Variants in NYAP2 observed in about 807,000 individuals in gnomAD.
NYAP2 encodes the protein neuronal tyrosine-phosphorylated phosphoinositide-3-kinase adapter 2.
In NYAP2, 23 loss-of-function variants were observed where a neutral mutation model predicts 50.4. The observed-to-expected ratio is 0.46, with a 90% CI of 0.33 to 0.65. NYAP2 has a LOEUF of 0.65. Among genes scored for constraint, NYAP2 ranks in the 30% least tolerant of loss-of-function variants. The pLI is 0.02. For synonymous variants in NYAP2, 394 were observed against 365.2 expected, an observed-to-expected ratio of 1.08 and a Z score of -0.90; for missense variants, 885 against 861.0, an observed-to-expected ratio of 1.03 and a Z score of -0.35.
chr2:225,521,784 C>T (rs531970580), intron 4 of NYAP2, among the ~76,000 whole-genome samples: 1 of 152,136 alleles, frequency 6.6e-6, no homozygotes, highest in Admixed American at 6.6e-5. Flanking sequence ...TGATGCTAAC[C>T]TCATAAAATG....
the NYAP2 span, among the ~76,000 whole-genome samples, chr2:225,694,655 T>A: frequency 1.3e-5 from 2 of 151,984 alleles, no homozygotes; most frequent in East Asian, 1.9e-4. Context: ...ATTTATCACA[T>A]CTTAACAGAA....
the NYAP2 span, among the ~76,000 whole-genome samples, chr2:225,683,097 G>T: frequency 3.4e-4 from 51 of 152,114 alleles, no homozygotes; most frequent in Non-Finnish European, 5.3e-4. Flanking sequence ...ACAACTGAAA[G>T]ATATCATGGT....
intron 4 of NYAP2, among the ~76,000 whole-genome samples, chr2:225,537,703 C>T (rs926609053): frequency 6.6e-6 from 1 of 152,134 alleles, no homozygotes; most frequent in Non-Finnish European, 1.5e-5. Flanking sequence ...ATCTCATGTC[C>T]TCACATTTCA....
the NYAP2 span, among the ~76,000 whole-genome samples, chr2:225,696,032 T>A: frequency 6.6e-6 from 1 of 151,936 alleles, no homozygotes; most frequent in East Asian, 1.9e-4. Flanking sequence ...TATTCACTCA[T>A]AAAGCCACAA....
chr2:225,476,054 T>C (rs1690099376), intron 3 of NYAP2, among the ~76,000 whole-genome samples: 1 of 152,096 alleles, frequency 6.6e-6, no homozygotes, highest in Admixed American at 6.5e-5. Flanking sequence ...TAGAGAAAAC[T>C]ATGAGGAGAG....
intron 3 of NYAP2, among the ~76,000 whole-genome samples, chr2:225,489,303 C>G (rs1690363354): frequency 6.6e-6 from 1 of 152,088 alleles, no homozygotes; most frequent in Non-Finnish European, 1.5e-5. Context: ...AAGCAATTCT[C>G]CTGCCTCAGC....
intron 6 of NYAP2, among the ~76,000 whole-genome samples, chr2:225,647,271 C>T (rs546926462): frequency 6.6e-6 from 1 of 152,170 alleles, no homozygotes; most frequent in Non-Finnish European, 1.5e-5. Flanking sequence ...GGATGCTTTG[C>T]TTGTTGTTTT....
rs191494113 is a variant in NYAP2, at chr2:225,637,760, C to A, written c.1828+10634C>A. Among the ~76,000 whole-genome samples the A allele has an allele frequency of 2.8e-4, 42 of 152,276 alleles. 1 individual carries two copies. Among genetic ancestry groups the A allele is most frequent in the South Asian group, 1.9e-3 (9 of 4,832 alleles). On this transcript the variant is annotated intron_variant, in intron 6 of 6. Coordinates refer to ENST00000636099, the Ensembl canonical transcript of NYAP2. Reference sequence around the variant, plus strand: ...ATCAGAGAAAGTTTTATTTGGATTTCTCCTGATACTGGTAGTATGGCTTTG... The same window carrying A: ...ATCAGAGAAAGTTTTATTTGGATTTATCCTGATACTGGTAGTATGGCTTTG...
intron 6 of NYAP2, among the ~76,000 whole-genome samples, chr2:225,642,765 C>T (rs1693555125): frequency 6.6e-6 from 1 of 152,132 alleles, no homozygotes; most frequent in African/African-American, 2.4e-5. Context: ...ATACTGTTCT[C>T]TGAAGAAAAA....
intron 4 of NYAP2, among the ~76,000 whole-genome samples, chr2:225,578,148 G>C (rs1474895739): frequency 6.6e-6 from 1 of 151,980 alleles, no homozygotes; most frequent in Non-Finnish European, 1.5e-5. Flanking sequence ...GGCCAGGCTG[G>C]TCTCGAACTC....
intron 3 of NYAP2, among the ~76,000 whole-genome samples, chr2:225,432,144 ATTTT>A (rs751205603): frequency 3.3e-5 from 4 of 119,522 alleles, no homozygotes; most frequent in African/African-American, 1.3e-4. Context: ...CGCCCGCCTA[ATTTT>A]TTTTTTTTTT....
At chr2:225,645,272 A>C (rs1006101158) in intron 6 of NYAP2, among the ~76,000 whole-genome samples, 1 of 152,032 alleles carries the variant, frequency 6.6e-6, no homozygotes, top group Admixed American at 6.6e-5. Context: ...AAAAAAGCTA[A>C]CTAATAAATT....
intron 3 of NYAP2, among the ~76,000 whole-genome samples, chr2:225,445,672 A>G (rs1374579668): frequency 6.6e-6 from 1 of 152,138 alleles, no homozygotes; most frequent in African/African-American, 2.4e-5. Context: ...AGCTTAAGAA[A>G]TGTGAAGCTT....
intron 5 of NYAP2, among the ~76,000 whole-genome samples, chr2:225,585,453 T>C (rs1692372931): frequency 6.6e-6 from 1 of 152,236 alleles, no homozygotes; most frequent in Non-Finnish European, 1.5e-5. Context: ...TACGTGTATA[T>C]GTCACAGACT....
At chr2:225,558,798 A>C (rs766820876) in intron 4 of NYAP2, among the ~76,000 whole-genome samples, 1 of 152,112 alleles carries the variant, frequency 6.6e-6, no homozygotes, top group Non-Finnish European at 1.5e-5. Flanking sequence ...GAGAGGCATC[A>C]CCAGACAGAG....
intron 3 of NYAP2, among the ~76,000 whole-genome samples, chr2:225,497,845 G>T (rs1168477454): frequency 6.6e-6 from 1 of 152,076 alleles, no homozygotes; most frequent in African/African-American, 2.4e-5. Flanking sequence ...TTCACTTCCT[G>T]GAAAATGTAT....
At chr2:225,675,318 C>G in the NYAP2 span, among the ~76,000 whole-genome samples, 3 of 152,008 alleles carry the variant, frequency 2.0e-5, no homozygotes, top group Admixed American at 2.0e-4. Context: ...TCTAGTGATC[C>G]CTAGTGTCTA....
intron 5 of NYAP2, among the ~76,000 whole-genome samples, chr2:225,602,435 T>G (rs1559227069): frequency 6.6e-6 from 1 of 152,198 alleles, no homozygotes; most frequent in Non-Finnish European, 1.5e-5. Flanking sequence ...GGCTTTTTCT[T>G]ATCTGGGGCC....
intron 4 of NYAP2, among the ~76,000 whole-genome samples, chr2:225,552,702 G>GT (rs1381787641): frequency 1.3e-5 from 2 of 152,192 alleles, no homozygotes; most frequent in South Asian, 2.1e-4. Flanking sequence ...GTTTGTTTTT[G>GT]TTTTTTGAGA....
Sources: gnomAD v4.1 joint callset for allele counts (sites outside exome capture counted in the v4.1 genomes callset) on GRCh38, gnomAD v4.1.1 for gene constraint, MANE v1.5 for transcripts, NCBI Gene and HGNC (gene_info 2026-07-23, HGNC 2026-07-21) for gene names.